Variants in MIDEAS observed in about 807,000 individuals in gnomAD.
MIDEAS encodes mitotic deacetylase-associated SANT domain protein.
Under a neutral mutation model 102.7 loss-of-function variants are expected in MIDEAS, and 26 were observed. The observed-to-expected ratio is 0.25, with a 90% CI of 0.19 to 0.35. The LOEUF (loss-of-function observed/expected upper bound fraction) is 0.35, where lower values mean the gene tolerates loss of function less well. Among genes scored for constraint, MIDEAS ranks in the 10% least tolerant of loss-of-function variants. The probability of loss-of-function intolerance (pLI) is 1.00; values close to 1 mark genes in which losing one functional copy is unlikely to be tolerated. For missense variants in MIDEAS, 1,231 were observed against 1,435.6 expected (o/e 0.86, Z 2.30); for synonymous variants, 585 against 591.0 (o/e 0.99, Z 0.15).
chr14:73,786,437 T>A (rs146027059), intron 1 of MIDEAS, among the ~76,000 whole-genome samples: 1 of 152,356 alleles, frequency 6.6e-6, no homozygotes, highest in Non-Finnish European at 1.5e-5. Context: ...GTGGGTGTGC[T>A]GACAGTTTTT....
chr14:73,756,695 AG>A (rs952240485), intron 1 of MIDEAS, among the ~76,000 whole-genome samples: 1 of 152,178 alleles, frequency 6.6e-6, no homozygotes, highest in African/African-American at 2.4e-5. Context: ...GGCTGACCAA[AG>A]GAAGTGCCCA....
intron 11 of MIDEAS, 29 bp downstream of exon 11, chr14:73,721,268 T>G (rs1171801868): frequency 1.5e-5 from 24 of 1,606,150 alleles, no homozygotes; most frequent in Non-Finnish European, 2.0e-5. Context: ...CTGCTTGCCC[T>G]GGGCTCAGCC....
rs747513340 is a variant in MIDEAS at position 73,729,943 on chromosome 14, G to A, written c.1792C>T (p.Arg598Trp). The change falls in exon 4 of 13, where the codon CGG (arginine) becomes TGG (tryptophan). Residue 598 changes from arginine (R) to tryptophan (W), a missense_variant. Physicochemically the swap from Arg to Trp is moderately radical, Grantham distance 101. Coordinates refer to ENST00000423556, the MANE Select transcript of MIDEAS (RefSeq NM_001367710.1). ...GGCCTGGGCCGCTGCTTTGGTTTCC[G>A]CACGGAAGGCTCCCCCTCCAACTTG... ...NVKLEGEPSV[R>W]KPKQRPRPEP... is the part of the protein sequence containing the mutation. 32 of 1,601,620 alleles carry A rather than the reference G, an allele frequency of 2.0e-5. No individual in the cohort carries two copies. The highest frequency in any genetic ancestry group is 1.5e-4 in the Admixed American group (9 of 59,476).
chr14:73,767,956 C>G (rs1304241020), intron 1 of MIDEAS, among the ~76,000 whole-genome samples: 1 of 151,910 alleles, frequency 6.6e-6, no homozygotes, highest in Non-Finnish European at 1.5e-5. Flanking sequence ...CTCAGGACTT[C>G]AAGACCAGCC....
chr14:73,752,070 C>T (rs1238752597), intron 1 of MIDEAS, among the ~76,000 whole-genome samples: 2 of 152,130 alleles, frequency 1.3e-5, no homozygotes, highest in African/African-American at 2.4e-5. Context: ...CCACAGCCAC[C>T]CATATCTCCA....
At chr14:73,772,048 C>T (rs780169635) in intron 1 of MIDEAS, among the ~76,000 whole-genome samples, 22 of 152,250 alleles carry the variant, frequency 1.4e-4, no homozygotes, top group Non-Finnish European at 1.6e-4. Flanking sequence ...TGAAAATCGT[C>T]TGGGGCCCTG....
At chr14:73,740,827 G>T (rs550170854) in intron 1 of MIDEAS, among the ~76,000 whole-genome samples, 1 of 152,200 alleles carries the variant, frequency 6.6e-6, no homozygotes, top group South Asian at 2.1e-4. Context: ...GGTCATTCCC[G>T]ACGTGGCCAC....
intron 4 of MIDEAS, among the ~76,000 whole-genome samples, 191 bp downstream of exon 4, chr14:73,729,449 C>T (rs1242348588): frequency 6.6e-6 from 1 of 152,200 alleles, no homozygotes; most frequent in African/African-American, 2.4e-5. Context: ...TGAATCCAAG[C>T]AGCTGGGCGG....
At position 73,739,495 on chromosome 14, in the gene MIDEAS, C is replaced by T; in HGVS notation, c.514G>A (p.Gly172Ser). ...PEALKREKAG[G>S]PQLDRYVRPM... is the part of the protein sequence containing the mutation. ...CGCACATAGCGGTCCAGCTGTGGGC[C>T]CCCCGCTTTCTCCCGCTTCAGTGCC... Residue 172 changes from glycine (G) to serine (S), a missense_variant, in exon 2 of 13, where the codon GGC (glycine) becomes AGC (serine). Gly to Ser is a moderately conservative substitution (Grantham distance 56, BLOSUM62 0). Around this residue, in one of 5 missense-constraint regions of MIDEAS, gnomAD observed 758 missense variants for 856.0 expected, o/e 0.89. Coordinates refer to ENST00000423556, the MANE Select transcript of MIDEAS (RefSeq NM_001367710.1). 1.2e-6 allele frequency: 2 copies of T among 1,612,580 alleles called. No individual in the cohort carries two copies. Among genetic ancestry groups the T allele is most frequent in the Non-Finnish European group, 1.7e-6 (2 of 1,179,120 alleles).
Position 73,719,019 on chromosome 14 carries a change from G to T in MIDEAS, c.3135-11C>A. On this transcript the variant is annotated splice_polypyrimidine_tract_variant and intron_variant, in intron 12 of 12. Transcript: ENST00000423556. ...ACCTTGTAAAACACCCTGCAGCCGG[G>T]TGGGGGTTGCTCAGAACCGGCCTAG... 1 of 1,470,028 alleles carries T rather than the reference G, an allele frequency of 6.8e-7. No individual in the cohort carries two copies. The highest frequency in any genetic ancestry group is 1.4e-5 in the South Asian group (1 of 72,216). The allele number at this position is 1,470,028 out of a possible 1,614,324, so 91.1% of individuals were successfully genotyped here.
At chr14:73,729,602 C>T in intron 4 of MIDEAS, 38 bp downstream of exon 4, 1 of 1,542,060 alleles carries the variant, frequency 6.5e-7, no homozygotes, top group Non-Finnish European at 8.8e-7. Flanking sequence ...AGTGCCCCAG[C>T]CCCGCTCCTG....
At position 73,742,931 on chromosome 14, in the gene MIDEAS, G is replaced by C. The variant is rs370747565; in HGVS notation, c.-247-2676C>G. Among the ~76,000 whole-genome samples, 1 of 152,124 alleles carries C rather than the reference G, an allele frequency of 6.6e-6. No individual in the cohort carries two copies. Among genetic ancestry groups the C allele is most frequent in the African/African-American group, 2.4e-5 (1 of 41,414 alleles). On this transcript the variant is annotated intron_variant, in intron 1 of 12. Transcript: ENST00000423556. This position sits in a 1 kb window ranked among gnomAD's most constrained non-coding sequence, Gnocchi z 4.4. ...TGCACCCGTGCCAGGCAGATCCTACGTGCTTTATATCCTTTAAATTCCCAC... is the reference window on the plus strand; with the variant it reads ...TGCACCCGTGCCAGGCAGATCCTACCTGCTTTATATCCTTTAAATTCCCAC...
Position 73,721,389 on chromosome 14 carries a change from T to A in MIDEAS, c.2845A>T (p.Ile949Phe), listed in dbSNP as rs1192470973. ...RKEGEEEVPEIQEKEEQEEGR... is the reference protein window; with the variant it reads ...RKEGEEEVPEFQEKEEQEEGR... ...TCTTCCTGCTCCTCCTTCTCTTGGA[T>A]CTCTGGCACCTCCTCCTCCCCCTCC... The change falls in exon 11 of 13, where the codon ATC (isoleucine) becomes TTC (phenylalanine). Residue 949 changes from isoleucine to phenylalanine, a missense_variant. This residue lies in a region of MIDEAS where 391 missense variants were observed against 483.0 expected (regional missense o/e 0.81). Transcript: ENST00000423556. 1 of 1,614,070 alleles carries A rather than the reference T, an allele frequency of 6.2e-7. No individual in the cohort carries two copies. The highest frequency in any genetic ancestry group is 1.7e-5 in the Admixed American group (1 of 60,008).
At chr14:73,775,370 C>T (rs2053680718) in intron 1 of MIDEAS, among the ~76,000 whole-genome samples, 1 of 152,060 alleles carries the variant, frequency 6.6e-6, no homozygotes. Flanking sequence ...AATTCAGGTT[C>T]TTCAAGACTT....
chr14:73,742,317 G>A lies in MIDEAS; in HGVS notation c.-247-2062C>T, dbSNP rs1420431973. ...TTGTGAGCCACAGCACGGGCTTGAGGCCTGGAGCAAGGGAAGGTCCACGTG... is the reference window on the plus strand; with the variant it reads ...TTGTGAGCCACAGCACGGGCTTGAGACCTGGAGCAAGGGAAGGTCCACGTG... On this transcript the variant is annotated intron_variant, in intron 1 of 12. Transcript: ENST00000423556. The surrounding 1 kb of genome is among the most constrained non-coding windows in gnomAD (Gnocchi z 4.4). Among the ~76,000 whole-genome samples the A allele has an allele frequency of 6.6e-6, 1 of 152,256 alleles. No homozygotes were observed. Among genetic ancestry groups the A allele is most frequent in the Non-Finnish European group, 1.5e-5 (1 of 68,050 alleles).
chr14:73,718,913 G>T lies in MIDEAS; in HGVS notation c.3230C>A (p.Ala1077Asp). 2 of 1,524,064 alleles carry T rather than the reference G, an allele frequency of 1.3e-6. No homozygotes were observed. The highest frequency in any genetic ancestry group is 1.8e-6 in the Non-Finnish European group (2 of 1,142,370). The allele number at this position is 1,524,064 out of a possible 1,614,324, so 94.4% of individuals were successfully genotyped here. ...GTGGGCGGCGGCGGCGGCAGCAGCG[G>T]CCTCTTTCTCCTTCAGCCTCAGCGC... ...AAALRLKEKE[A>D]AAAAAAAHQQ... is the part of the protein sequence containing the mutation. Residue 1077 changes from alanine (A) to aspartate (D), a missense_variant, in exon 13 of 13, where the codon GCC becomes GAC. Coordinates refer to ENST00000423556, the MANE Select transcript of MIDEAS (RefSeq NM_001367710.1).
intron 3 of MIDEAS, 40 bp from the exon 4 acceptor site, chr14:73,730,025 T>G: frequency 1.9e-6 from 3 of 1,594,440 alleles, no homozygotes; most frequent in Non-Finnish European, 1.7e-6. Context: ...CAGCCCCCCG[T>G]GTCCCAGAGA....
In MIDEAS at chr14:73,725,445, G is replaced by A. The variant is rs2053048030; in HGVS notation, c.2486-85C>T. ...AATTTTGACAAGCAAAAAAGTGTGA[G>A]GCCATCCGCCCATGGTTTCTGCAGG... On this transcript the variant is annotated intron_variant, in intron 8 of 12. Transcript: ENST00000423556. This position sits in a 1 kb window ranked among gnomAD's most constrained non-coding sequence, Gnocchi z 4.1. The A allele has an allele frequency of 4.5e-6, 5 of 1,118,858 alleles. No homozygotes were observed. The highest frequency in any genetic ancestry group is 1.5e-5 in the African/African-American group (1 of 65,614). The allele number at this position is 1,118,858 out of a possible 1,614,324, so 69.3% of individuals were successfully genotyped here. A position where few individuals can be genotyped will look rare whatever the true frequency, so the allele number is the denominator to read the frequency against.
At chr14:73,789,642 C>T (rs2053850329), upstream of MIDEAS, among the ~76,000 whole-genome samples, 1 of 152,186 alleles carries the variant, frequency 6.6e-6, no homozygotes, top group Non-Finnish European at 1.5e-5. Context: ...CACAGCCTTC[C>T]TGATAGAACA....
Sources: allele counts gnomAD v4.1 joint callset (sites outside exome capture counted in the v4.1 genomes callset), GRCh38; gene constraint gnomAD v4.1.1; regional missense constraint gnomAD v4.1.1; non-coding constraint Gnocchi (gnomAD v3.1); transcripts MANE v1.5; gene names NCBI Gene and HGNC (gene_info 2026-07-23, HGNC 2026-07-21).